The following OR5H6 variants were observed in gnomAD, a reference collection of about 807,000 sequenced individuals.
OR5H6 encodes the protein olfactory receptor family 5 subfamily H member 6.
For missense variants in OR5H6, 429 were observed against 358.1 expected (o/e 1.20, Z -1.60); for synonymous variants, 151 against 127.7 (o/e 1.18, Z -1.23).
rs754649659 is a variant in OR5H6 at position 98,264,868 on chromosome 3, G to T, written c.536G>T (p.Cys179Phe). ...TCCAACATAATACAACACTTTTACT[G>T]TGACATTATCCCATTGTTAAAGATT... Reference protein sequence around the residue: ...CNSNIIQHFYCDIIPLLKISC... With the variant: ...CNSNIIQHFYFDIIPLLKISC... The change falls in exon 1 of 1, where the codon TGT becomes TTT. Residue 179 changes from cysteine to phenylalanine, a missense_variant. Physicochemically the swap from Cys to Phe is radical, Grantham distance 205 (BLOSUM62 -2). Transcript: ENST00000615035. 9.3e-6 allele frequency: 15 copies of T among 1,609,896 alleles called. No individual in the cohort carries two copies. Among genetic ancestry groups the T allele is most frequent in the Non-Finnish European group, 1.2e-5 (14 of 1,177,878 alleles).
chr3:98,264,659 C>T lies in OR5H6; in HGVS notation c.327C>T (p.Thr109=), dbSNP rs76896666. ...TTTTTTCCCTTGTAACCACTGTAACCACAGAATGTTTTCTCTTGGCAACAA... is the reference window on the plus strand; with the variant it reads ...TTTTTTCCCTTGTAACCACTGTAACTACAGAATGTTTTCTCTTGGCAACAA... ...VQFFSLVTTV[T]TECFLLATMA... The change falls in exon 1 of 1, where the codon ACC becomes ACT. Residue 109 remains threonine, a synonymous_variant. Coordinates refer to ENST00000615035, the MANE Select transcript of OR5H6 (RefSeq NM_001005479.2). 7,038 of 1,604,786 alleles carry T rather than the reference C, an allele frequency of 4.4e-3. 241 individuals are homozygous for T. In the African/African-American group the frequency reaches 0.079, roughly 18 times the overall value.
In OR5H6 at chr3:98,264,863, T is replaced by C; in HGVS notation, c.531T>C (p.Phe177=). 3 of 1,610,932 alleles carry C rather than the reference T, an allele frequency of 1.9e-6. No individual in the cohort carries two copies. The highest frequency in any genetic ancestry group is 1.3e-5 in the African/African-American group (1 of 74,768). Residue 177 remains phenylalanine (F), a synonymous_variant, in exon 1 of 1, where the codon TTT becomes TTC. Transcript: ENST00000615035. ...GTAATTCCAACATAATACAACACTTTTACTGTGACATTATCCCATTGTTAA... is the reference window on the plus strand; with the variant it reads ...GTAATTCCAACATAATACAACACTTCTACTGTGACATTATCCCATTGTTAA... ...TFCNSNIIQH[F]YCDIIPLLKI... is the part of the protein sequence containing the mutation.
Position 98,264,542 on chromosome 3 carries a change from T to G in OR5H6, c.210T>G (p.Asp70Glu), listed in dbSNP as rs753180602. 1 of 1,612,990 alleles carries G rather than the reference T, an allele frequency of 6.2e-7. No homozygotes were observed. Among genetic ancestry groups the G allele is most frequent in the Non-Finnish European group, 8.5e-7 (1 of 1,179,078 alleles). ...TCCTTGGGAGTTTAGCCTTTGTGGA[T>G]GCTTCGTTATCATCCACAGTGACTC... ...YLFLGSLAFV[D>E]ASLSSTVTPK... Residue 70 changes from aspartate (D) to glutamate (E), a missense_variant, in exon 1 of 1, where the codon GAT becomes GAG. Asp to Glu is a conservative substitution (Grantham distance 45). Transcript: ENST00000615035.
Position 98,264,436 on chromosome 3 carries a change from A to G in OR5H6, c.104A>G (p.Tyr35Cys). The change falls in exon 1 of 1, where the codon TAT becomes TGT. Residue 35 changes from tyrosine to cysteine, a missense_variant. Physicochemically the swap from Tyr to Cys is radical, Grantham distance 194 (BLOSUM62 -2). Transcript: ENST00000615035. The stretch of plus-strand genomic sequence containing the variant: ...CTCTTCCTGGCATTCTTGGTAATAT[A>G]TCTCATCACCATCATGGGGAATCTT... ...IPLFLAFLVI[Y>C]LITIMGNLGL... 1.9e-6 allele frequency: 3 copies of G among 1,612,462 alleles called. No individual in the cohort carries two copies. Among genetic ancestry groups the G allele is most frequent in the Middle Eastern group, 1.7e-4 (1 of 6,054 alleles).
At position 98,265,015 on chromosome 3, in the gene OR5H6, A is replaced by T; in HGVS notation, c.683A>T (p.Lys228Met). The change falls in exon 1 of 1, where the codon AAG (lysine) becomes ATG (methionine). Residue 228 changes from lysine (K) to methionine (M), a missense_variant. Physicochemically the swap from Lys to Met is moderately conservative, Grantham distance 95 (BLOSUM62 -1). Transcript: ENST00000615035. ...YTIILFTILEKKSIKGIRKAV... is the reference protein window; with the variant it reads ...YTIILFTILEMKSIKGIRKAV... ...ATTATCCTCTTTACAATCTTAGAAA[A>T]GAAGTCTATCAAAGGGATACGAAAA... The T allele has an allele frequency of 6.2e-7, 1 of 1,612,998 alleles. No homozygotes were observed. Among genetic ancestry groups the T allele is most frequent in the Non-Finnish European group, 8.5e-7 (1 of 1,179,388 alleles).
In OR5H6 at chr3:98,264,614, C is replaced by G; in HGVS notation, c.282C>G (p.Leu94=). ...NFLAKSKMIS[L]SECMVQFFSL... ...TAGCTAAGAGTAAGATGATATCTCT[C>G]TCTGAATGCATGGTACAATTTTTTT... The change falls in exon 1 of 1, where the codon CTC becomes CTG. Residue 94 remains leucine (L), a synonymous_variant. Transcript: ENST00000615035. The G allele has an allele frequency of 6.2e-7, 1 of 1,610,558 alleles. No homozygotes were observed. Among genetic ancestry groups the G allele is most frequent in the Non-Finnish European group, 8.5e-7 (1 of 1,177,858 alleles).
rs36116717 is a variant in OR5H6, at chr3:98,264,896, C to T, written c.564C>T (p.Ser188=). The T allele has an allele frequency of 0.014, 21,801 of 1,610,228 alleles. 170 individuals carry two copies. Among genetic ancestry groups the T allele is most frequent in the Non-Finnish European group, 0.014 (17,023 of 1,178,282 alleles). ...YCDIIPLLKI[S]CTDSSINFLM... ...ACATTATCCCATTGTTAAAGATTTC[C>T]TGTACTGATTCCTCTATTAACTTTC... is the stretch of plus-strand genomic sequence containing the variant. Residue 188 remains serine (S), a synonymous_variant, in exon 1 of 1, where the codon TCC becomes TCT. Coordinates refer to ENST00000615035, the MANE Select transcript of OR5H6 (RefSeq NM_001005479.2).
Position 98,264,986 on chromosome 3 carries a change from T to A in OR5H6, c.654T>A (p.Tyr218Ter), listed in dbSNP as rs1353624789. The stretch of plus-strand genomic sequence containing the variant: ...CCATTGGAACTATTCTTATATCTTA[T>A]ACAATTATCCTCTTTACAATCTTAG... ...VFTIGTILIS[Y>*]TIILFTILEK... The change falls in exon 1 of 1, where the codon TAT becomes TAA. Residue 218 changes from tyrosine (Y) to a stop codon, truncating the protein, a stop_gained. Coordinates refer to ENST00000615035, the MANE Select transcript of OR5H6 (RefSeq NM_001005479.2). LOFTEE classifies it low-confidence loss of function (END_TRUNC). 6.2e-7 allele frequency: 1 copy of A among 1,611,820 alleles called. No individual in the cohort carries two copies. The highest frequency in any genetic ancestry group is 8.5e-7 in the Non-Finnish European group (1 of 1,178,866).
Position 98,264,321 on chromosome 3 carries a change from T to C in OR5H6, c.-12T>C. ...CCTTTGCTTCATTTTTCAGAGGACA[T>C]GCAGTGAGGAGATGGAAGAGGAAAA... On this transcript the variant is annotated 5_prime_UTR_variant, in exon 1 of 1. An upstream start codon of the reference 5' UTR is lost. Transcript: ENST00000615035. 1 of 1,612,862 alleles carries C rather than the reference T, an allele frequency of 6.2e-7. No individual in the cohort carries two copies. Among genetic ancestry groups the C allele is most frequent in the Non-Finnish European group, 8.5e-7 (1 of 1,179,102 alleles).
Position 98,265,204 on chromosome 3 carries a change from G to T in OR5H6, c.872G>T (p.Ser291Ile). Residue 291 changes from serine (S) to isoleucine (I), a missense_variant, in exon 1 of 1, where the codon AGC becomes ATC. Physicochemically the swap from Ser to Ile is moderately radical, Grantham distance 142. Transcript: ENST00000615035. ...IVPLLNPMIY[S>I]LRNKQVIASF... ...CCTTTATTAAATCCCATGATCTACA[G>T]CCTGAGAAACAAGCAAGTAATAGCT... The T allele has an allele frequency of 1.2e-6, 2 of 1,603,082 alleles. No homozygotes were observed. The highest frequency in any genetic ancestry group is 1.7e-5 in the Admixed American group (1 of 57,532).
chr3:98,264,967 G>T lies in OR5H6; in HGVS notation c.635G>T (p.Gly212Val), dbSNP rs886331248. The change falls in exon 1 of 1, where the codon GGA becomes GTA. Residue 212 changes from glycine to valine, a missense_variant. Transcript: ENST00000615035. Reference sequence around the variant, plus strand: ...GGTTCTGTTCAAGTTTTTACCATTGGAACTATTCTTATATCTTATACAATT... The same window carrying T: ...GGTTCTGTTCAAGTTTTTACCATTGTAACTATTCTTATATCTTATACAATT... ...FAGSVQVFTIGTILISYTIIL... is the reference protein window; with the variant it reads ...FAGSVQVFTIVTILISYTIIL... The T allele has an allele frequency of 6.2e-7, 1 of 1,608,712 alleles. No homozygotes were observed. Among genetic ancestry groups the T allele is most frequent in the Non-Finnish European group, 8.5e-7 (1 of 1,177,840 alleles).
rs754582066 is a variant in OR5H6, at chr3:98,264,735, A to T, written c.403A>T (p.Ile135Phe). ...AICKALLYPV[I>F]MTNELCIQLL... Reference sequence around the variant, plus strand: ...TTGCAAAGCTTTACTTTATCCAGTCATTATGACCAATGAACTATGCATTCA... The same window carrying T: ...TTGCAAAGCTTTACTTTATCCAGTCTTTATGACCAATGAACTATGCATTCA... The change falls in exon 1 of 1, where the codon ATT becomes TTT. Residue 135 changes from isoleucine to phenylalanine, a missense_variant. By Grantham distance (21) the Ile-to-Phe change is conservative. Coordinates refer to ENST00000615035, the MANE Select transcript of OR5H6 (RefSeq NM_001005479.2). 2 of 1,613,362 alleles carry T rather than the reference A, an allele frequency of 1.2e-6. No individual in the cohort carries two copies. Among genetic ancestry groups the T allele is most frequent in the East Asian group, 2.2e-5 (1 of 44,862 alleles).
chr3:98,264,495 C>A lies in OR5H6; in HGVS notation c.163C>A (p.Leu55Ile). 6.2e-7 allele frequency: 1 copy of A among 1,612,708 alleles called. No individual in the cohort carries two copies. Among genetic ancestry groups the A allele is most frequent in the Non-Finnish European group, 8.5e-7 (1 of 1,178,876 alleles). The change falls in exon 1 of 1, where the codon CTT (leucine) becomes ATT (isoleucine). Residue 55 changes from leucine (L) to isoleucine (I), a missense_variant. Coordinates refer to ENST00000615035, the MANE Select transcript of OR5H6 (RefSeq NM_001005479.2). ...TGTTCTCATCTGGAAAGACCCTCAC[C>A]TTCATATCCCAATGTACTTATTCCT... is the stretch of plus-strand genomic sequence containing the variant. ...LIVLIWKDPHLHIPMYLFLGS... is the reference protein window; with the variant it reads ...LIVLIWKDPHIHIPMYLFLGS...
At position 98,264,432 on chromosome 3, in the gene OR5H6, A is replaced by G; in HGVS notation, c.100A>G (p.Ile34Val). The change falls in exon 1 of 1, where the codon ATA becomes GTA. Residue 34 changes from isoleucine to valine, a missense_variant. Physicochemically the swap from Ile to Val is conservative, Grantham distance 29 (BLOSUM62 3). Coordinates refer to ENST00000615035, the MANE Select transcript of OR5H6 (RefSeq NM_001005479.2). ...KIPLFLAFLVIYLITIMGNLG... is the reference protein window; with the variant it reads ...KIPLFLAFLVVYLITIMGNLG... ...ACCGCTCTTCCTGGCATTCTTGGTA[A>G]TATATCTCATCACCATCATGGGGAA... 1.2e-6 allele frequency: 2 copies of G among 1,612,708 alleles called. No homozygotes were observed. Among genetic ancestry groups the G allele is most frequent in the Non-Finnish European group, 1.7e-6 (2 of 1,178,872 alleles).
At position 98,265,154 on chromosome 3, in the gene OR5H6, G is replaced by T. The variant is rs1705878656; in HGVS notation, c.822G>T (p.Glu274Asp). Residue 274 changes from glutamate (E) to aspartate (D), a missense_variant, in exon 1 of 1, where the codon GAG (glutamate) becomes GAT (aspartate). By Grantham distance (45) the Glu-to-Asp change is conservative. Transcript: ENST00000615035. Reference protein sequence around the residue: ...SPQADDQDMMESLFYTVIVPL... With the variant: ...SPQADDQDMMDSLFYTVIVPL... ...AAGCAGATGACCAAGATATGATGGA[G>T]TCTCTATTTTACACTGTCATAGTTC... The T allele has an allele frequency of 6.2e-7, 1 of 1,613,246 alleles. No individual in the cohort carries two copies.
In OR5H6 at chr3:98,264,435, T is replaced by G; in HGVS notation, c.103T>G (p.Tyr35Asp). ...IPLFLAFLVI[Y>D]LITIMGNLGL... ...GCTCTTCCTGGCATTCTTGGTAATA[T>G]ATCTCATCACCATCATGGGGAATCT... Residue 35 changes from tyrosine (Y) to aspartate (D), a missense_variant, in exon 1 of 1, where the codon TAT becomes GAT. Transcript: ENST00000615035. The G allele has an allele frequency of 6.2e-7, 1 of 1,612,502 alleles. No homozygotes were observed.
In OR5H6 at chr3:98,264,689, A is replaced by G. The variant is rs367956226; in HGVS notation, c.357A>G (p.Ala119=). ...TTECFLLATM[A]YDRYVAICKA... ...AATGTTTTCTCTTGGCAACAATGGCATATGATCGCTATGTAGCCATTTGCA... is the reference window on the plus strand; with the variant it reads ...AATGTTTTCTCTTGGCAACAATGGCGTATGATCGCTATGTAGCCATTTGCA... Residue 119 remains alanine (A), a synonymous_variant, in exon 1 of 1, where the codon GCA becomes GCG. Transcript: ENST00000615035. The G allele has an allele frequency of 1.3e-5, 21 of 1,613,288 alleles. No individual in the cohort carries two copies. The highest frequency in any genetic ancestry group is 1.7e-5 in the Non-Finnish European group (20 of 1,179,318).
In OR5H6 at chr3:98,264,692, T is replaced by C; in HGVS notation, c.360T>C (p.Tyr120=). The C allele has an allele frequency of 6.2e-7, 1 of 1,613,288 alleles. No individual in the cohort carries two copies. The highest frequency in any genetic ancestry group is 8.5e-7 in the Non-Finnish European group (1 of 1,179,308). The change falls in exon 1 of 1, where the codon TAT becomes TAC. Residue 120 remains tyrosine, a synonymous_variant. Coordinates refer to ENST00000615035, the MANE Select transcript of OR5H6 (RefSeq NM_001005479.2). ...TECFLLATMA[Y]DRYVAICKAL... Reference sequence around the variant, plus strand: ...GTTTTCTCTTGGCAACAATGGCATATGATCGCTATGTAGCCATTTGCAAAG... The same window carrying C: ...GTTTTCTCTTGGCAACAATGGCATACGATCGCTATGTAGCCATTTGCAAAG...
chr3:98,264,463 G>T lies in OR5H6; in HGVS notation c.131G>T (p.Gly44Val), dbSNP rs1369965513. 6.2e-7 allele frequency: 1 copy of T among 1,612,300 alleles called. No individual in the cohort carries two copies. The stretch of plus-strand genomic sequence containing the variant: ...CTCATCACCATCATGGGGAATCTTG[G>T]TCTAATTGTTCTCATCTGGAAAGAC... ...IYLITIMGNL[G>V]LIVLIWKDPH... Residue 44 changes from glycine (G) to valine (V), a missense_variant, in exon 1 of 1, where the codon GGT (glycine) becomes GTT (valine). Coordinates refer to ENST00000615035, the MANE Select transcript of OR5H6 (RefSeq NM_001005479.2).
Sources: gnomAD v4.1 joint callset for allele counts on GRCh38, gnomAD v4.1.1 for gene constraint, MANE v1.5 for transcripts, NCBI Gene and HGNC (gene_info 2026-07-23, HGNC 2026-07-21) for gene names.